The following RAD51B variants were observed in gnomAD, a reference collection of about 807,000 sequenced individuals.
RAD51B encodes DNA repair protein RAD51 homolog 2.
RAD51B carries 38 observed loss-of-function variants against 42.2 expected under a neutral mutation model. That is an observed-to-expected ratio of 0.90 (90% CI 0.70 to 1.18). The LOEUF (loss-of-function observed/expected upper bound fraction) is 1.18. Among genes scored for constraint, RAD51B ranks in the 50% most tolerant of loss-of-function variants. The pLI, the probability that RAD51B is intolerant of heterozygous loss-of-function variation, is 0.00. For missense variants in RAD51B, 373 were observed against 400.7 expected, an observed-to-expected ratio of 0.93 and a Z score of 0.59; for synonymous variants, 154 against 145.2, an observed-to-expected ratio of 1.06 and a Z score of -0.43.
At chr14:68,552,961 A>G (rs1197647366) in intron 10 of RAD51B, among the ~76,000 whole-genome samples, 1 of 152,264 alleles carries the variant, frequency 6.6e-6, no homozygotes, top group Non-Finnish European at 1.5e-5. Context: ...ATGTGCTTAT[A>G]GTAGAAATTT....
intron 7 of RAD51B, among the ~76,000 whole-genome samples, chr14:68,070,955 C>G (rs2076731148): frequency 6.6e-6 from 1 of 152,092 alleles, no homozygotes; most frequent in Non-Finnish European, 1.5e-5. Flanking sequence ...TCTCTGATTT[C>G]TCTTAGCAGT....
chr14:68,338,415 G>C (rs570131648), intron 8 of RAD51B, among the ~76,000 whole-genome samples: 1 of 152,266 alleles, frequency 6.6e-6, no homozygotes, highest in South Asian at 2.1e-4. Flanking sequence ...GGCCAAACAT[G>C]GTGCATCCTC....
chr14:68,475,375 C>G (rs1882481684), intron 10 of RAD51B, among the ~76,000 whole-genome samples: 1 of 152,150 alleles, frequency 6.6e-6, no homozygotes. Context: ...GAGTTATACT[C>G]TTAAAATGCA....
intron 10 of RAD51B, among the ~76,000 whole-genome samples, chr14:68,602,399 G>C (rs1259339109): frequency 6.6e-6 from 1 of 151,966 alleles, no homozygotes; most frequent in East Asian, 1.9e-4. Context: ...TCCTGCCTTT[G>C]TCCAGTCCCA....
At chr14:67,850,742 C>T (rs1000551041) in intron 4 of RAD51B, among the ~76,000 whole-genome samples, 5 of 152,070 alleles carry the variant, frequency 3.3e-5, no homozygotes, top group Admixed American at 6.6e-5. Context: ...AGTCCCCAAC[C>T]CTGATGAGGG....
At chr14:68,131,602 A>C (rs942800229) in intron 7 of RAD51B, among the ~76,000 whole-genome samples, 1 of 152,206 alleles carries the variant, frequency 6.6e-6, no homozygotes, top group Non-Finnish European at 1.5e-5. Context: ...AGGCTGAGGC[A>C]GGAAAATCGC....
At chr14:68,456,457 C>G (rs1265891900) in intron 9 of RAD51B, among the ~76,000 whole-genome samples, 1 of 152,060 alleles carries the variant, frequency 6.6e-6, no homozygotes, top group African/African-American at 2.4e-5. Flanking sequence ...ACAGATTAGA[C>G]TGTAAGACAA....
intron 9 of RAD51B, among the ~76,000 whole-genome samples, chr14:68,447,383 A>G (rs545473142): frequency 6.6e-6 from 1 of 152,112 alleles, no homozygotes; most frequent in East Asian, 1.9e-4. Flanking sequence ...CCTGGTTCCT[A>G]TATTATTCCA....
intron 9 of RAD51B, among the ~76,000 whole-genome samples, chr14:68,448,848 G>C (rs983518691): frequency 6.6e-6 from 1 of 151,726 alleles, no homozygotes; most frequent in Non-Finnish European, 1.5e-5. Context: ...GTTTTTGTTT[G>C]TTTATTCTGA....
intron 5 of RAD51B, among the ~76,000 whole-genome samples, chr14:67,880,688 CT>C (rs2140037271): frequency 6.6e-6 from 1 of 152,104 alleles, no homozygotes; most frequent in Admixed American, 6.5e-5. Context: ...GATTTTTCTC[CT>C]GGTAATGGAT....
chr14:68,001,549 A>T (rs942841880), intron 7 of RAD51B, among the ~76,000 whole-genome samples: 1 of 152,150 alleles, frequency 6.6e-6, no homozygotes, highest in Non-Finnish European at 1.5e-5. Context: ...TTGATTTTCA[A>T]CTTTTAAGCT....
intron 8 of RAD51B, among the ~76,000 whole-genome samples, chr14:68,367,149 T>C (rs1034542720): frequency 1.3e-5 from 2 of 152,360 alleles, no homozygotes; most frequent in East Asian, 3.9e-4. Flanking sequence ...TAATTGTACA[T>C]GGTCCAGTCT....
intron 10 of RAD51B, among the ~76,000 whole-genome samples, chr14:68,578,681 G>A (rs999494653): frequency 6.6e-6 from 1 of 152,228 alleles, no homozygotes; most frequent in Non-Finnish European, 1.5e-5. Context: ...AAGTTGGAAG[G>A]AATAGATCAC....
intron 7 of RAD51B, among the ~76,000 whole-genome samples, chr14:68,076,806 G>T (rs2076840553): frequency 6.6e-6 from 1 of 152,188 alleles, no homozygotes; most frequent in Admixed American, 6.5e-5. Context: ...TTACCCAAAA[G>T]TGTAATTTTC....
At chr14:68,408,718 G>T (rs896739575) in intron 8 of RAD51B, among the ~76,000 whole-genome samples, 2 of 152,012 alleles carry the variant, frequency 1.3e-5, no homozygotes, top group Admixed American at 1.3e-4. Context: ...TAAAGTTAGC[G>T]CAATTAAAAA....
At chr14:68,216,325 G>A (rs1188559831) in intron 7 of RAD51B, among the ~76,000 whole-genome samples, 7 of 152,190 alleles carry the variant, frequency 4.6e-5, no homozygotes, top group East Asian at 1.9e-4. Context: ...GAAAAAGGTC[G>A]TTAAGGGTTT....
chr14:68,011,727 A>T (rs557956012), intron 7 of RAD51B, among the ~76,000 whole-genome samples: 1 of 152,144 alleles, frequency 6.6e-6, no homozygotes, highest in South Asian at 2.1e-4. Context: ...AAGTTTATTT[A>T]TATGTTCAGG....
intron 9 of RAD51B, chr14:68,422,190 T>C: frequency 9.0e-7 from 1 of 1,114,002 alleles, no homozygotes; most frequent in Admixed American, 1.7e-5. Flanking sequence ...ATGGTGGGGT[T>C]GACCATGGCT....
In RAD51B at chr14:68,151,953, C is replaced by G. The variant is rs986282310; in HGVS notation, c.757-139931C>G. On this transcript the variant is annotated intron_variant, in intron 7 of 10. Coordinates refer to ENST00000471583, the MANE Select transcript of RAD51B (RefSeq NM_133510.4). The stretch of plus-strand genomic sequence containing the variant: ...CCGCCTCCTGGGTTCAAGTGATTCT[C>G]CTGCCCCAGCCTCCTGAGTAGCTGG... Among the ~76,000 whole-genome samples the G allele has an allele frequency of 2.7e-5, 4 of 148,526 alleles. No homozygotes were observed. In the East Asian group the frequency reaches 8.0e-4, roughly 30 times the overall value.
Sources: gnomAD v4.1 joint callset for allele counts (sites outside exome capture counted in the v4.1 genomes callset) on GRCh38, gnomAD v4.1.1 for gene constraint, MANE v1.5 for transcripts, NCBI Gene and HGNC (gene_info 2026-07-23, HGNC 2026-07-21) for gene names.